The following ARID4A variants were observed in gnomAD, a reference collection of about 807,000 sequenced individuals.
The protein encoded by ARID4A is AT-rich interaction domain 4A.
In ARID4A, 39 loss-of-function variants were observed where a neutral mutation model predicts 148.6. The ratio of observed to expected loss-of-function variants is 0.26; its 90% CI spans 0.20 to 0.34. The LOEUF is 0.34. ARID4A is among the 10% of genes least tolerant of loss of function. The pLI is 1.00. For synonymous variants in ARID4A, 475 were observed against 481.2 expected (o/e 0.99, Z 0.17); for missense variants, 1,265 against 1,449.1 (o/e 0.87, Z 2.06).
At chr14:58,338,357 A>G (rs771622175) in intron 11 of ARID4A, among the ~76,000 whole-genome samples, 2 of 152,178 alleles carry the variant, frequency 1.3e-5, no homozygotes, top group African/African-American at 2.4e-5. Context: ...GTAAGCAGCT[A>G]TTGGATTCGC....
In ARID4A at chr14:58,364,757, A is replaced by T. The variant is rs190992092; in HGVS notation, c.2668A>T (p.Ile890Phe). 6.2e-7 allele frequency: 1 copy of T among 1,614,112 alleles called. No homozygotes were observed. Among genetic ancestry groups the T allele is most frequent in the Admixed American group, 1.7e-5 (1 of 60,022 alleles). Residue 890 changes from isoleucine to phenylalanine, a missense_variant, in exon 20 of 24, where the codon ATT becomes TTT. Coordinates refer to ENST00000355431, the MANE Select transcript of ARID4A (RefSeq NM_002892.4). Reference sequence around the variant, plus strand: ...ATCTCAAGAAAGGACCAGTGATTGTATTGGATCTGAGGGAATGAAAAACTT... The same window carrying T: ...ATCTCAAGAAAGGACCAGTGATTGTTTTGGATCTGAGGGAATGAAAAACTT... The part of the protein sequence containing the change: ...TVSQERTSDC[I>F]GSEGMKNLNF...
intron 2 of ARID4A, among the ~76,000 whole-genome samples, chr14:58,300,728 G>C (rs939798888): frequency 6.6e-6 from 1 of 150,446 alleles, no homozygotes; most frequent in Non-Finnish European, 1.5e-5. Context: ...ACTTCAAAAC[G>C]TATCTCCAAA....
At chr14:58,343,707 G>GT (rs1216146955) in intron 11 of ARID4A, among the ~76,000 whole-genome samples, 5 of 152,046 alleles carry the variant, frequency 3.3e-5, no homozygotes, top group African/African-American at 1.2e-4. Flanking sequence ...GCACACTCCT[G>GT]TAGTCCCAGC....
intron 5 of ARID4A, among the ~76,000 whole-genome samples, chr14:58,316,581 T>TG (rs112092454): frequency 0.016 from 2,466 of 152,146 alleles, 63 homozygotes; most frequent in African/African-American, 0.056. Context: ...AGTACGATTT[T>TG]GTTTGTTTGT....
chr14:58,305,059 A>G lies in ARID4A; in HGVS notation c.183+50A>G, dbSNP rs1185893042. 2.8e-6 allele frequency: 4 copies of G among 1,426,692 alleles called. No homozygotes were observed. The East Asian group carries it at 9.5e-5, about 34-fold the overall frequency. The allele number at this position is 1,426,692 out of a possible 1,614,324, so 88.4% of individuals were successfully genotyped here. A position where few individuals can be genotyped will look rare whatever the true frequency, so the allele number is the denominator to read the frequency against. The stretch of plus-strand genomic sequence containing the variant: ...TCTGAAATAATCATAGATTTATACC[A>G]TATTTACTGAATTTACATTTCTACA... On this transcript the variant is annotated intron_variant, in intron 4 of 23. Coordinates refer to ENST00000355431, the MANE Select transcript of ARID4A (RefSeq NM_002892.4).
At position 58,318,642 on chromosome 14, in the gene ARID4A, G is replaced by A. The variant is rs576338479; in HGVS notation, c.354+21G>A. 1.7e-4 allele frequency: 274 copies of A among 1,613,552 alleles called. 1 individual carries two copies. Among genetic ancestry groups the A allele is most frequent in the Non-Finnish European group, 2.3e-4 (269 of 1,179,616 alleles). ...GTGAGGTAGGGTGACACGGATGGAC[G>A]ATTTGGATTGAACTACAGGTACTGA... On this transcript the variant is annotated intron_variant, in intron 6 of 23. Coordinates refer to ENST00000355431, the MANE Select transcript of ARID4A (RefSeq NM_002892.4).
At chr14:58,306,394 A>G (rs2140137868) in intron 5 of ARID4A, among the ~76,000 whole-genome samples, 1 of 152,336 alleles carries the variant, frequency 6.6e-6, no homozygotes, top group South Asian at 2.1e-4. Flanking sequence ...GATTGTGATC[A>G]CTTTTTCTAT....
intron 17 of ARID4A, among the ~76,000 whole-genome samples, chr14:58,358,290 G>A (rs2034978920): frequency 1.3e-5 from 2 of 152,014 alleles, no homozygotes; most frequent in African/African-American, 2.4e-5. Context: ...CCAACATGGC[G>A]AAACCCCGTC....
rs767359603 is a variant in ARID4A, at chr14:58,364,128, A to C, written c.2081-42A>C. 6 of 989,912 alleles carry C rather than the reference A, an allele frequency of 6.1e-6. No homozygotes were observed. The Admixed American group carries it at 2.0e-4, about 32-fold the overall frequency. The allele number at this position is 989,912 out of a possible 1,614,324, so 61.3% of individuals were successfully genotyped here. ...ATTTTTATTGTAAAATTACATTGGT[A>C]ATATAAAAACCTGTATAATATAATA... On this transcript the variant is annotated intron_variant, in intron 19 of 23. Transcript: ENST00000355431.
intron 23 of ARID4A, among the ~76,000 whole-genome samples, chr14:58,369,418 G>T (rs1191603993): frequency 2.6e-5 from 4 of 151,950 alleles, no homozygotes; most frequent in Non-Finnish European, 5.9e-5. Flanking sequence ...TGGAGGCCAG[G>T]AGTTTAAGAC....
In ARID4A at chr14:58,366,237, A is replaced by G; in HGVS notation, c.3523+7A>G. 1 of 1,603,778 alleles carries G rather than the reference A, an allele frequency of 6.2e-7. No individual in the cohort carries two copies. Among genetic ancestry groups the G allele is most frequent in the Non-Finnish European group, 8.5e-7 (1 of 1,171,782 alleles). On this transcript the variant is annotated splice_region_variant and intron_variant, in intron 22 of 23. Transcript: ENST00000355431. The stretch of plus-strand genomic sequence containing the variant: ...AAATGGAGCTTTCAGCTCAGTAAGA[A>G]GCTTATAGAAAACTTGATAGATGAA...
chr14:58,305,958 TTGG>T (rs1173605020), intron 4 of ARID4A, 61 bp from the exon 5 acceptor site: 51 of 1,110,578 alleles, frequency 4.6e-5, no homozygotes, highest in Middle Eastern at 2.0e-4. Flanking sequence ...GATTATATAG[TTGG>T]TGGGAGTGAT....
intron 23 of ARID4A, among the ~76,000 whole-genome samples, chr14:58,368,646 T>C (rs2035463630): frequency 6.6e-6 from 1 of 152,226 alleles, no homozygotes; most frequent in Non-Finnish European, 1.5e-5. Context: ...TATCCTTTAT[T>C]TGAAATGCTT....
chr14:58,361,310 G>A (rs1335756158), intron 19 of ARID4A, among the ~76,000 whole-genome samples: 1 of 151,796 alleles, frequency 6.6e-6, no homozygotes, highest in Admixed American at 6.6e-5. Context: ...GTCTAAACAT[G>A]AAAATTAGTG....
chr14:58,337,246 T>TTATTTATATATATATATATATA (rs1555361741), intron 11 of ARID4A, among the ~76,000 whole-genome samples: 3 of 83,818 alleles, frequency 3.6e-5, no homozygotes, highest in Non-Finnish European at 7.6e-5. Flanking sequence ...TTCTCTTTAT[T>TTATTTATATATATATATATATA]TATATATATA....
rs1301260802 is a variant in ARID4A at position 58,300,846 on chromosome 14, A to G, written c.7-734A>G. ...GGTAAAATGACAGATTGAGATAGCA[A>G]TCATCCTGTTACTGTAAAAATTAAA... On this transcript the variant is annotated intron_variant, in intron 2 of 23. Transcript: ENST00000355431. 3.3e-5 allele frequency among the ~76,000 whole-genome samples: 5 copies of G among 152,112 alleles called. No individual in the cohort carries two copies. In the East Asian group the frequency reaches 9.6e-4, roughly 29 times the overall value.
chr14:58,347,145 A>AAT, intron 14 of ARID4A, 28 bp downstream of exon 14: 2 of 1,190,712 alleles, frequency 1.7e-6, no homozygotes, highest in Non-Finnish European at 2.4e-6. Flanking sequence ...TTCATCAAAG[A>AAT]ATATATATTT....
At chr14:58,365,407 CTTCTT>C (rs974523120) in intron 20 of ARID4A, 106 bp from the exon 21 acceptor site, 27 of 1,384,198 alleles carry the variant, frequency 2.0e-5, no homozygotes, top group South Asian at 4.4e-5. Context: ...TCTTTTCTCT[CTTCTT>C]TTCTTATTAA....
chr14:58,326,042 A>C (rs1449495978), intron 8 of ARID4A, among the ~76,000 whole-genome samples: 1 of 152,220 alleles, frequency 6.6e-6, no homozygotes, highest in African/African-American at 2.4e-5. Flanking sequence ...CTGGCCTGAG[A>C]GATTACATTT....
Sources: allele counts gnomAD v4.1 joint callset (sites outside exome capture counted in the v4.1 genomes callset), GRCh38; gene constraint gnomAD v4.1.1; transcripts MANE v1.5; gene names NCBI Gene and HGNC (gene_info 2026-07-23, HGNC 2026-07-21).